Variants in SMG5 observed in about 807,000 individuals in gnomAD.
SMG5 encodes the protein SMG5 nonsense mediated mRNA decay factor.
In SMG5, 53 loss-of-function variants were observed where a neutral mutation model predicts 122.9. That is an observed-to-expected ratio of 0.43 (90% CI 0.35 to 0.54). The LOEUF (loss-of-function observed/expected upper bound fraction) is 0.54, where lower values mean the gene tolerates loss of function less well. Among genes scored for constraint, SMG5 ranks in the 20% least tolerant of loss-of-function variants. The pLI is 0.01. For synonymous variants in SMG5, 477 were observed against 490.2 expected (o/e 0.97, Z 0.35); for missense variants, 1,153 against 1,285.6 (o/e 0.90, Z 1.58).
intron 5 of SMG5, 36 bp downstream of exon 5, chr1:156,274,561 C>A: frequency 6.3e-7 from 1 of 1,598,734 alleles, no homozygotes; most frequent in Non-Finnish European, 8.6e-7. Context: ...CGTCCTGTAA[C>A]CCAAAACAGA....
At chr1:156,259,794 A>G (rs980830309) in intron 15 of SMG5, among the ~76,000 whole-genome samples, 3 of 152,160 alleles carry the variant, frequency 2.0e-5, no homozygotes, top group African/African-American at 7.2e-5. Context: ...CCCCCAACCA[A>G]GTGCTGGGAT....
intron 5 of SMG5, 111 bp downstream of exon 5, chr1:156,274,486 C>T (rs1288004967): frequency 1.0e-6 from 1 of 963,154 alleles, no homozygotes; most frequent in Non-Finnish European, 1.7e-6. Flanking sequence ...TATCAGAAGC[C>T]AAACTATCCC....
At chr1:156,285,513 A>G, upstream of SMG5, 1 of 1,614,132 alleles carries the variant, frequency 6.2e-7, no homozygotes. Context: ...GGCTGGCGGG[A>G]CATTGAACCA....
chr1:156,277,287 A>T (rs1333639278), intron 3 of SMG5, 46 bp from the exon 4 acceptor site: 4 of 1,584,872 alleles, frequency 2.5e-6, no homozygotes, highest in Non-Finnish European at 2.6e-6. Context: ...ATAAACTCAG[A>T]GTCGCACTCA....
Position 156,263,498 on chromosome 1 carries a change from T to G in SMG5, c.1928A>C (p.Gln643Pro). The stretch of plus-strand genomic sequence containing the variant: ...GGCCATCAGGACCTGAAGCTTCTCC[T>G]GGATGCTGCGCTCATTCCGACAGGA... Reference protein sequence around the residue: ...GRSCRNERSIQEKLQVLMAEG... With the variant: ...GRSCRNERSIPEKLQVLMAEG... The change falls in exon 13 of 22, where the codon CAG becomes CCG. Residue 643 changes from glutamine to proline, a missense_variant. Gln to Pro is a moderately conservative substitution (Grantham distance 76). This residue lies in a region of SMG5 where 631 missense variants were observed against 650.6 expected (regional missense o/e 0.97). Transcript: ENST00000361813. 6.2e-7 allele frequency: 1 copy of G among 1,614,236 alleles called. No individual in the cohort carries two copies. The highest frequency in any genetic ancestry group is 8.5e-7 in the Non-Finnish European group (1 of 1,180,042).
At chr1:156,286,305 G>A (rs201959226), upstream of SMG5, 12 of 1,614,210 alleles carry the variant, frequency 7.4e-6, no homozygotes, top group Middle Eastern at 3.3e-4. Context: ...TCTGCCCTTC[G>A]GCCCTTTGGG....
chr1:156,273,427 C>T lies in SMG5; in HGVS notation c.568G>A (p.Gly190Ser). 1 of 1,614,004 alleles carries T rather than the reference C, an allele frequency of 6.2e-7. No homozygotes were observed. Among genetic ancestry groups the T allele is most frequent in the Non-Finnish European group, 8.5e-7 (1 of 1,179,974 alleles). ...DLSRYQNELAGVDTELLAERF... is the reference protein window; with the variant it reads ...DLSRYQNELASVDTELLAERF... ...TCGGCTAGCAGCTCGGTATCTACGC[C>T]AGCTAATTCATTCTGATATCGGGCT... The change falls in exon 6 of 22, where the codon GGC (glycine) becomes AGC (serine). Residue 190 changes from glycine to serine, a missense_variant. Around this residue, in one of 5 missense-constraint regions of SMG5, gnomAD observed 85 missense variants for 127.3 expected, o/e 0.67. Transcript: ENST00000361813.
rs181441170 is a variant in SMG5 at position 156,264,381 on chromosome 1, C to A, written c.1856-811G>T. On this transcript the variant is annotated intron_variant, in intron 12 of 21. Coordinates refer to ENST00000361813, the MANE Select transcript of SMG5 (RefSeq NM_015327.3). ...CATCTCTGAGCATCCCTCATTTCTG[C>A]CATTCACTCAGTCATTCGATAGTTC... Among the ~76,000 whole-genome samples the A allele has an allele frequency of 7.2e-5, 11 of 151,862 alleles. No individual in the cohort carries two copies. In the East Asian group the frequency reaches 2.1e-3, roughly 30 times the overall value.
At chr1:156,265,430 G>A (rs12118238) in intron 12 of SMG5, among the ~76,000 whole-genome samples, 34,419 of 152,142 alleles carry the variant, frequency 0.23, 4,554 homozygotes, top group Non-Finnish European at 0.29. Context: ...ATGCACCTGC[G>A]CTGGTGGGTA....
the SMG5 span, chr1:156,290,762 G>T: frequency 6.6e-6 from 1 of 152,000 alleles, no homozygotes; most frequent in Non-Finnish European, 1.5e-5. Flanking sequence ...CCGGGAGGCG[G>T]AGGTTGCAGT....
At chr1:156,253,414 A>C (rs748186691) in intron 17 of SMG5, 35 bp downstream of exon 17, 1 of 1,608,960 alleles carries the variant, frequency 6.2e-7, no homozygotes, top group South Asian at 1.1e-5. Context: ...AGCTCTACCA[A>C]GTGCAGAAGA....
chr1:156,259,926 G>C (rs1052007979), intron 15 of SMG5, among the ~76,000 whole-genome samples: 1 of 152,170 alleles, frequency 6.6e-6, no homozygotes, highest in Non-Finnish European at 1.5e-5. Context: ...AAGCAGCTCT[G>C]GTTGGAGGGA....
At chr1:156,268,454 G>C (rs368164784) in intron 7 of SMG5, 39 bp from the exon 8 acceptor site, 3 of 1,607,244 alleles carry the variant, frequency 1.9e-6, no homozygotes, top group Non-Finnish European at 8.5e-7. Context: ...TCTTGGCAGG[G>C]GGAGGATATG....
chr1:156,270,337 G>A (rs1220958533), intron 7 of SMG5, among the ~76,000 whole-genome samples: 3 of 152,188 alleles, frequency 2.0e-5, no homozygotes, highest in Non-Finnish European at 2.9e-5. Context: ...GGAGCCTTGA[G>A]CCACTACATA....
intron 16 of SMG5, among the ~76,000 whole-genome samples, chr1:156,258,719 C>T (rs1166266969): frequency 6.6e-6 from 1 of 152,082 alleles, no homozygotes; most frequent in Non-Finnish European, 1.5e-5. Flanking sequence ...TCACTTGAAC[C>T]TGGGAGCCGG....
In SMG5 at chr1:156,266,074, G is replaced by A. The variant is rs1383903268; in HGVS notation, c.1562C>T (p.Ser521Phe). The part of the protein sequence containing the change: ...ETDSEMNSQE[S>F]RSDLEDMEEE... Reference sequence around the variant, plus strand: ...CTCCATATCTTCCAAGTCTGATCGGGACTCCTGGCTATTCATTTCCGAGTC... The same window carrying A: ...CTCCATATCTTCCAAGTCTGATCGGAACTCCTGGCTATTCATTTCCGAGTC... Residue 521 changes from serine (S) to phenylalanine (F), a missense_variant, in exon 12 of 22, where the codon TCC becomes TTC. Ser to Phe is a radical substitution (Grantham distance 155, BLOSUM62 -2). This residue lies in a region of SMG5 where 631 missense variants were observed against 650.6 expected (regional missense o/e 0.97). Transcript: ENST00000361813. 1 of 1,614,184 alleles carries A rather than the reference G, an allele frequency of 6.2e-7. No homozygotes were observed. The highest frequency in any genetic ancestry group is 8.5e-7 in the Non-Finnish European group (1 of 1,180,034).
chr1:156,252,592 G>T, intron 18 of SMG5, 88 bp from the exon 19 acceptor site: 1 of 1,372,642 alleles, frequency 7.3e-7, no homozygotes, highest in Non-Finnish European at 1.0e-6. Flanking sequence ...GCTCACCTCA[G>T]TACACTCTTC....
chr1:156,265,726 G>A, intron 12 of SMG5, 55 bp downstream of exon 12: 1 of 1,572,304 alleles, frequency 6.4e-7, no homozygotes, highest in Non-Finnish European at 8.6e-7. Context: ...TCTCTGGTGA[G>A]TGTCTATGGC....
At chr1:156,271,021 G>C (rs987935709) in intron 7 of SMG5, among the ~76,000 whole-genome samples, 8 of 150,148 alleles carry the variant, frequency 5.3e-5, no homozygotes, top group Admixed American at 5.3e-4. Context: ...AAAAAAAAAA[G>C]AAAAAAGAAA....
Sources: allele counts gnomAD v4.1 joint callset (sites outside exome capture counted in the v4.1 genomes callset), GRCh38; gene constraint gnomAD v4.1.1; regional missense constraint gnomAD v4.1.1; transcripts MANE v1.5; gene names NCBI Gene and HGNC (gene_info 2026-07-23, HGNC 2026-07-21).